The following ADK variants were observed in gnomAD, a reference collection of about 807,000 sequenced individuals.
The protein encoded by ADK is N6,N6-dimethyladenosine kinase.
A neutral mutation model predicts 44.7 loss-of-function variants in ADK; 24 were observed. The ratio of observed to expected loss-of-function variants is 0.54; its 90% CI spans 0.39 to 0.76. The LOEUF is 0.76. Ranked by LOEUF, ADK falls within the 30% of genes least tolerant of loss-of-function variation. ADK has a pLI of 0.00. For synonymous variants in ADK, 128 were observed against 142.6 expected, an observed-to-expected ratio of 0.90 and a Z score of 0.73; for missense variants, 321 against 425.1, an observed-to-expected ratio of 0.76 and a Z score of 2.15.
chr10:74,678,126 G>A (rs1208098751), intron 10 of ADK, among the ~76,000 whole-genome samples: 2 of 150,006 alleles, frequency 1.3e-5, no homozygotes, highest in Non-Finnish European at 3.0e-5. Context: ...GGGCAACAGG[G>A]GGAGACCCTG....
intron 9 of ADK, among the ~76,000 whole-genome samples, chr10:74,621,073 A>G (rs1176618299): frequency 1.3e-5 from 2 of 152,238 alleles, no homozygotes; most frequent in South Asian, 2.1e-4. Context: ...TCAGTTTGAC[A>G]TAATCCCATT....
intron 1 of ADK, among the ~76,000 whole-genome samples, chr10:74,190,766 T>C (rs1842928670): frequency 6.6e-6 from 1 of 152,184 alleles, no homozygotes; most frequent in African/African-American, 2.4e-5. Context: ...TCACCTCCAC[T>C]GGCTGCTAGG....
intron 7 of ADK, among the ~76,000 whole-genome samples, chr10:74,544,639 G>A (rs1485959305): frequency 6.6e-6 from 1 of 152,090 alleles, no homozygotes; most frequent in Non-Finnish European, 1.5e-5. Flanking sequence ...CATTTTGGGG[G>A]GCTGAGGCGG....
chr10:74,459,643 C>T (rs983492725), intron 6 of ADK, among the ~76,000 whole-genome samples: 9 of 147,112 alleles, frequency 6.1e-5, no homozygotes, highest in African/African-American at 7.5e-5. Context: ...GCAGGAAAAT[C>T]GCTTGAACCA....
intron 10 of ADK, among the ~76,000 whole-genome samples, chr10:74,692,144 A>G (rs1420043246): frequency 6.6e-6 from 1 of 152,194 alleles, no homozygotes; most frequent in Non-Finnish European, 1.5e-5. Context: ...GAATGGATAA[A>G]CATTATCGAT....
chr10:74,404,934 A>C (rs935246527), intron 6 of ADK, among the ~76,000 whole-genome samples: 2 of 152,052 alleles, frequency 1.3e-5, no homozygotes, highest in African/African-American at 4.8e-5. Flanking sequence ...AACTTCTTAG[A>C]GCTATCGGTT....
chr10:74,524,223 A>G (rs1415194497), intron 6 of ADK, among the ~76,000 whole-genome samples: 1 of 152,240 alleles, frequency 6.6e-6, no homozygotes, highest in Non-Finnish European at 1.5e-5. Flanking sequence ...AGCATTTTAA[A>G]TGCAGCTTTC....
rs563012213 is a variant in ADK at position 74,676,771 on chromosome 10, A to G, written c.964+6502A>G. Among the ~76,000 whole-genome samples, 59 of 152,314 alleles carry G rather than the reference A, an allele frequency of 3.9e-4. No individual in the cohort carries two copies. The South Asian group carries it at 9.1e-3, about 24-fold the overall frequency. On this transcript the variant is annotated intron_variant, in intron 10 of 10. Transcript: ENST00000539909. The stretch of plus-strand genomic sequence containing the variant: ...TGACAATTCATTTGGGATTACAGAC[A>G]TGAGCCACCACCCCCAGCCAGAATA...
intron 2 of ADK, among the ~76,000 whole-genome samples, chr10:74,222,828 A>G (rs1000056540): frequency 7.9e-6 from 1 of 127,320 alleles, no homozygotes; most frequent in African/African-American, 3.0e-5. Flanking sequence ...ACATGGACAC[A>G]GGAAGGGGAA....
intron 7 of ADK, among the ~76,000 whole-genome samples, chr10:74,580,979 G>C (rs1851353571): frequency 6.6e-6 from 1 of 151,566 alleles, no homozygotes; most frequent in South Asian, 2.1e-4. Flanking sequence ...AGGCCAGCCT[G>C]TGCAACACAG....
chr10:74,572,487 G>C (rs1208216038), intron 7 of ADK, among the ~76,000 whole-genome samples: 1 of 152,116 alleles, frequency 6.6e-6, no homozygotes, highest in Non-Finnish European at 1.5e-5. Flanking sequence ...GTGTCTTGGA[G>C]TTGCTCTTCT....
intron 7 of ADK, among the ~76,000 whole-genome samples, chr10:74,567,125 G>C (rs571707133): frequency 3.9e-5 from 6 of 152,194 alleles, no homozygotes; most frequent in Non-Finnish European, 7.4e-5. Flanking sequence ...TAGATTCCAA[G>C]TCCAGGACTC....
intron 1 of ADK, among the ~76,000 whole-genome samples, chr10:74,161,489 A>T (rs1419843727): frequency 1.3e-5 from 2 of 151,896 alleles, no homozygotes; most frequent in East Asian, 3.9e-4. Context: ...GATTACAGGC[A>T]TGAGTCACCG....
At chr10:74,424,535 C>CAAAAAAAAAAAAAAAAAAAAAAA (rs57106986) in intron 6 of ADK, among the ~76,000 whole-genome samples, 5 of 58,460 alleles carry the variant, frequency 8.6e-5, no homozygotes, top group African/African-American at 2.2e-4. Flanking sequence ...AACTCCGTCT[C>CAAAAAAAAAAAAAAAAAAAAAAA]AAAAAAAAAA....
chr10:74,215,369 G>A (rs1843972494), intron 2 of ADK, among the ~76,000 whole-genome samples: 1 of 152,190 alleles, frequency 6.6e-6, no homozygotes, highest in South Asian at 2.1e-4. Flanking sequence ...GAGTGCAGTG[G>A]CACAATCTTG....
At chr10:74,204,107 C>T (rs1413013601) in intron 2 of ADK, among the ~76,000 whole-genome samples, 1 of 151,800 alleles carries the variant, frequency 6.6e-6, no homozygotes, top group Non-Finnish European at 1.5e-5. Flanking sequence ...CAGGTGTGTG[C>T]CATCATGCCT....
intron 10 of ADK, among the ~76,000 whole-genome samples, chr10:74,692,908 C>A (rs1190548267): frequency 6.6e-6 from 1 of 152,048 alleles, no homozygotes; most frequent in Non-Finnish European, 1.5e-5. Flanking sequence ...CGTTGTTAAG[C>A]AACTCAAGAC....
At chr10:74,603,581 C>T (rs573773954) in intron 9 of ADK, among the ~76,000 whole-genome samples, 25 of 152,240 alleles carry the variant, frequency 1.6e-4, no homozygotes, top group African/African-American at 4.6e-4. Context: ...CTGCAAAGGA[C>T]GTGAATTCAT....
intron 3 of ADK, among the ~76,000 whole-genome samples, chr10:74,273,637 T>G (rs190874009): frequency 6.6e-6 from 1 of 152,202 alleles, no homozygotes; most frequent in East Asian, 1.9e-4. Flanking sequence ...TTTGTATTTT[T>G]AGTAGAGATG....
Sources: gnomAD v4.1 joint callset for allele counts (sites outside exome capture counted in the v4.1 genomes callset) on GRCh38, gnomAD v4.1.1 for gene constraint, MANE v1.5 for transcripts, NCBI Gene and HGNC (gene_info 2026-07-23, HGNC 2026-07-21) for gene names.